ARHGAP10: variants seen among roughly 807,000 people sequenced by gnomAD.
ARHGAP10 encodes rho GTPase-activating protein 10.
Under a neutral mutation model 108.6 loss-of-function variants are expected in ARHGAP10, and 87 were observed. That is an observed-to-expected ratio of 0.80 (90% confidence interval 0.67 to 0.96). The LOEUF (loss-of-function observed/expected upper bound fraction) is 0.96. Ranked by LOEUF, ARHGAP10 falls within the 40% of genes least tolerant of loss-of-function variation. ARHGAP10 has a pLI of 0.00. For missense variants in ARHGAP10, 939 were observed against 954.5 expected (o/e 0.98, Z 0.21); for synonymous variants, 347 against 341.1 (o/e 1.02, Z -0.19).
At position 147,965,059 on chromosome 4, in the gene ARHGAP10, C is replaced by T. The variant is rs1261329020; in HGVS notation, c.1486C>T (p.His496Tyr). 2.5e-6 allele frequency: 4 copies of T among 1,603,076 alleles called. No individual in the cohort carries two copies. The highest frequency in any genetic ancestry group is 1.7e-5 in the Admixed American group (1 of 59,046). Residue 496 changes from histidine to tyrosine, a missense_variant, in exon 17 of 23, where the codon CAT becomes TAT. By Grantham distance (83) the His-to-Tyr change is moderately conservative. Coordinates refer to ENST00000336498, the MANE Select transcript of ARHGAP10 (RefSeq NM_024605.4). ...CCCAGAATCTCGTGTTAATGCGATC[C>T]ATTTCTTGGTACACAAACTGCCAGA... is the stretch of plus-strand genomic sequence containing the variant. Reference protein sequence around the residue: ...GSPESRVNAIHFLVHKLPEKN... With the variant: ...GSPESRVNAIYFLVHKLPEKN...
At chr4:147,911,851 G>GA (rs1166871402) in intron 12 of ARHGAP10, among the ~76,000 whole-genome samples, 1 of 151,418 alleles carries the variant, frequency 6.6e-6, no homozygotes, top group East Asian at 1.9e-4. Flanking sequence ...TAAAAGCTTG[G>GA]AGCATGGTGT....
intron 3 of ARHGAP10, 88 bp downstream of exon 3, chr4:147,823,045 A>AG (rs1279418780): frequency 2.6e-5 from 35 of 1,327,594 alleles, no homozygotes; most frequent in Non-Finnish European, 3.5e-5. Context: ...AGAAGTTGTG[A>AG]AGCATTTATC....
intron 11 of ARHGAP10, 127 bp downstream of exon 11, chr4:147,906,846 G>A (rs779541539): frequency 2.7e-5 from 30 of 1,091,028 alleles, no homozygotes; most frequent in African/African-American, 4.7e-5. Flanking sequence ...AAAAATCATC[G>A]TGGAAGCATT....
At chr4:147,900,330 G>T (rs942357083) in intron 10 of ARHGAP10, among the ~76,000 whole-genome samples, 10 of 152,156 alleles carry the variant, frequency 6.6e-5, no homozygotes, top group Admixed American at 2.6e-4. Context: ...CTTTTAAAAA[G>T]AATTTATGAA....
At chr4:147,840,664 A>G (rs956536337) in intron 3 of ARHGAP10, among the ~76,000 whole-genome samples, 1 of 152,158 alleles carries the variant, frequency 6.6e-6, no homozygotes, top group Non-Finnish European at 1.5e-5. Context: ...AGGAGATTTG[A>G]GCCCAGTATG....
At chr4:148,059,841 C>T (rs913551590) in intron 20 of ARHGAP10, among the ~76,000 whole-genome samples, 5 of 152,166 alleles carry the variant, frequency 3.3e-5, no homozygotes, top group African/African-American at 1.2e-4. Context: ...TCAGTGTTTT[C>T]TTGTGCCAGT....
In ARHGAP10 at chr4:147,815,619, G is replaced by T. The variant is rs112217318; in HGVS notation, c.155-7108G>T. ...CACCTGTAATCCCAGCACTTTGGAG[G>T]GCCAAGGCAGGGGGATCACTTGACC... On this transcript the variant is annotated intron_variant, in intron 1 of 22. Transcript: ENST00000336498. Among the ~76,000 whole-genome samples, 481 of 152,200 alleles carry T rather than the reference G, an allele frequency of 3.2e-3. 3 individuals are homozygous for T. Among genetic ancestry groups the T allele is most frequent in the African/African-American group, 0.011 (450 of 41,516 alleles).
At chr4:147,777,282 G>T (rs13136624) in intron 1 of ARHGAP10, among the ~76,000 whole-genome samples, 1 of 147,380 alleles carries the variant, frequency 6.8e-6, no homozygotes, top group Non-Finnish European at 1.5e-5. Flanking sequence ...TTTTTTAGAC[G>T]GAGTCTCACT....
chr4:147,984,916 C>A (rs1739972930), intron 18 of ARHGAP10, among the ~76,000 whole-genome samples: 1 of 152,202 alleles, frequency 6.6e-6, no homozygotes, highest in African/African-American at 2.4e-5. Flanking sequence ...CAGGCCAGAC[C>A]AGGCAGGCCC....
At chr4:147,982,029 G>A (rs1295828611) in intron 18 of ARHGAP10, among the ~76,000 whole-genome samples, 1 of 152,126 alleles carries the variant, frequency 6.6e-6, no homozygotes, top group African/African-American at 2.4e-5. Context: ...GCCACCCTAT[G>A]TCTTTTATTT....
intron 19 of ARHGAP10, among the ~76,000 whole-genome samples, chr4:148,027,139 A>G (rs1727897886): frequency 6.6e-6 from 1 of 152,248 alleles, no homozygotes; most frequent in Admixed American, 6.5e-5. Flanking sequence ...GAAGAGGATT[A>G]CCATCTGAAT....
intron 1 of ARHGAP10, among the ~76,000 whole-genome samples, chr4:147,775,364 A>T (rs1730242181): frequency 6.6e-6 from 1 of 152,080 alleles, no homozygotes; most frequent in Non-Finnish European, 1.5e-5. Context: ...AGGCTAATGG[A>T]GGTGGTCTGT....
intron 1 of ARHGAP10, among the ~76,000 whole-genome samples, chr4:147,784,499 A>G (rs1292769943): frequency 9.1e-6 from 1 of 109,970 alleles, no homozygotes; most frequent in Non-Finnish European, 1.7e-5. Flanking sequence ...TAATTTATAT[A>G]TAATATATAC....
chr4:147,971,874 AT>A (rs1457168970), intron 18 of ARHGAP10, among the ~76,000 whole-genome samples: 2 of 152,198 alleles, frequency 1.3e-5, no homozygotes, highest in Non-Finnish European at 2.9e-5. Flanking sequence ...GTTATTTGGC[AT>A]AGTCGAAGGG....
chr4:147,732,344 A>G lies in ARHGAP10; in HGVS notation c.43A>G (p.Ser15Gly). The G allele has an allele frequency of 6.2e-7, 1 of 1,613,274 alleles. No individual in the cohort carries two copies. The highest frequency in any genetic ancestry group is 8.5e-7 in the Non-Finnish European group (1 of 1,179,578). ...GGAGTTCAGCGACTGCTACCTCGAC[A>G]GCCCGTGGTTCCGGGAGAGGATCCG... ...PLEFSDCYLD[S>G]PWFRERIRAH... Residue 15 changes from serine (S) to glycine (G), a missense_variant, in exon 1 of 23, where the codon AGC becomes GGC. Transcript: ENST00000336498.
rs549268994 is a variant in ARHGAP10 at position 147,785,489 on chromosome 4, A to G, written c.155-37238A>G. ...CACAAATATTGCAAAGATAATGTTTATGATACCATAAGTCCTGCCATGAAT... is the reference window on the plus strand; with the variant it reads ...CACAAATATTGCAAAGATAATGTTTGTGATACCATAAGTCCTGCCATGAAT... On this transcript the variant is annotated intron_variant, in intron 1 of 22. Transcript: ENST00000336498. Among the ~76,000 whole-genome samples the G allele has an allele frequency of 5.3e-5, 8 of 152,316 alleles. No individual in the cohort carries two copies. In the South Asian group the frequency reaches 1.2e-3, roughly 24 times the overall value.
intron 1 of ARHGAP10, among the ~76,000 whole-genome samples, chr4:147,793,602 A>G (rs1336307453): frequency 1.3e-5 from 2 of 152,178 alleles, no homozygotes; most frequent in Non-Finnish European, 2.9e-5. Context: ...GAATAAAAGT[A>G]CTCAGATCCC....
intron 22 of ARHGAP10, among the ~76,000 whole-genome samples, chr4:148,069,581 G>A (rs1355672304): frequency 6.6e-6 from 1 of 152,184 alleles, no homozygotes; most frequent in African/African-American, 2.4e-5. Context: ...GTCTGTGCTT[G>A]CGCAAGTGTG....
chr4:148,040,348 G>GT (rs1389982447), intron 19 of ARHGAP10, among the ~76,000 whole-genome samples: 4 of 151,776 alleles, frequency 2.6e-5, no homozygotes, highest in Non-Finnish European at 5.9e-5. Context: ...TTTGTTTTTT[G>GT]TTTTTTGTTT....
Sources: gnomAD v4.1 joint callset for allele counts (sites outside exome capture counted in the v4.1 genomes callset) on GRCh38, gnomAD v4.1.1 for gene constraint, MANE v1.5 for transcripts, NCBI Gene and HGNC (gene_info 2026-07-23, HGNC 2026-07-21) for gene names.